SPTBN1: variants seen among roughly 807,000 people sequenced by gnomAD.
The protein encoded by SPTBN1 is spectrin beta chain, non-erythrocytic 1.
In SPTBN1, 32 loss-of-function variants were observed where a neutral mutation model predicts 266.4. The observed-to-expected ratio is 0.12, with a 90% CI of 0.09 to 0.16. The LOEUF (loss-of-function observed/expected upper bound fraction) is 0.16. SPTBN1 is among the 10% of genes least tolerant of loss of function. The pLI is 1.00. For synonymous variants in SPTBN1, 1,336 were observed against 1,162.2 expected (o/e 1.15, Z -3.04); for missense variants, 2,296 against 3,067.1 (o/e 0.75, Z 5.94).
chr2:54,623,921 A>G (rs1678156635), intron 10 of SPTBN1, among the ~76,000 whole-genome samples: 1 of 152,230 alleles, frequency 6.6e-6, no homozygotes, highest in Admixed American at 6.5e-5. Flanking sequence ...AGAAAGGAGA[A>G]ATTGAAACCT....
chr2:54,487,832 C>CTCTTTTTTTTTTTTT (rs1426296541), intron 1 of SPTBN1, among the ~76,000 whole-genome samples: 17 of 68,644 alleles, frequency 2.5e-4, no homozygotes, highest in Admixed American at 5.1e-4. Context: ...CCTCCTGTGT[C>CTCTTTTTTTTTTTTT]TTTTTTTTTT....
intron 1 of SPTBN1, among the ~76,000 whole-genome samples, chr2:54,459,603 AT>A (rs34862405): frequency 6.6e-6 from 1 of 151,944 alleles, no homozygotes; most frequent in East Asian, 1.9e-4. Context: ...TTAAAGCCTA[AT>A]TTTTTTTACG....
chr2:54,615,086 G>A lies in SPTBN1; in HGVS notation c.475-1121G>A, dbSNP rs531455472. ...TAATGATCCTAATATTAGAGACTGG[G>A]GTTTATACAGACTCAGGCTTCACCT... On this transcript the variant is annotated intron_variant, in intron 4 of 35. Coordinates refer to ENST00000356805, the MANE Select transcript of SPTBN1 (RefSeq NM_003128.3). Among the ~76,000 whole-genome samples, 36 of 152,098 alleles carry A rather than the reference G, an allele frequency of 2.4e-4. No homozygotes were observed. In the South Asian group the frequency reaches 7.5e-3, roughly 32 times the overall value.
chr2:54,504,471 T>C (rs1346257672), intron 1 of SPTBN1, among the ~76,000 whole-genome samples: 1 of 152,154 alleles, frequency 6.6e-6, no homozygotes, highest in Non-Finnish European at 1.5e-5. Flanking sequence ...ATAGAAAATA[T>C]TTGGGAAAAA....
chr2:54,510,010 G>A (rs1158734447), intron 1 of SPTBN1, among the ~76,000 whole-genome samples: 2 of 149,960 alleles, frequency 1.3e-5, no homozygotes, highest in African/African-American at 2.5e-5. Flanking sequence ...CCAGGGTAGA[G>A]CGCAGTGGCA....
intron 4 of SPTBN1, among the ~76,000 whole-genome samples, chr2:54,615,612 G>C (rs1677551070): frequency 6.6e-6 from 1 of 152,194 alleles, no homozygotes; most frequent in South Asian, 2.1e-4. Context: ...TGGGGAACCT[G>C]CCCAAGGGTA....
At chr2:54,557,687 A>G in intron 2 of SPTBN1, 7 of 982,356 alleles carry the variant, frequency 7.1e-6, no homozygotes, top group Non-Finnish European at 8.5e-6. Context: ...TTTTTCCCAC[A>G]ATGCCTTGCA....
chr2:54,561,933 C>G (rs1201186723), intron 2 of SPTBN1, among the ~76,000 whole-genome samples: 1 of 151,512 alleles, frequency 6.6e-6, no homozygotes, highest in African/African-American at 2.4e-5. Context: ...CACGAAGCCT[C>G]CTGGCATAAG....
intron 1 of SPTBN1, among the ~76,000 whole-genome samples, chr2:54,475,310 G>A (rs1263050910): frequency 6.6e-5 from 10 of 152,232 alleles, no homozygotes; most frequent in Non-Finnish European, 1.5e-5. Context: ...TTTGGCAACA[G>A]TTTGTCTCCT....
intron 1 of SPTBN1, among the ~76,000 whole-genome samples, chr2:54,463,437 G>A (rs1200378640): frequency 6.6e-6 from 1 of 152,226 alleles, no homozygotes; most frequent in African/African-American, 2.4e-5. Context: ...GTCATGGCTA[G>A]AGAGGCTGAT....
At chr2:54,623,829 C>T (rs1281949405) in intron 10 of SPTBN1, among the ~76,000 whole-genome samples, 6 of 152,180 alleles carry the variant, frequency 3.9e-5, no homozygotes, top group Non-Finnish European at 8.8e-5. Flanking sequence ...CCAGCTTTGG[C>T]GTAGGCTATA....
intron 1 of SPTBN1, among the ~76,000 whole-genome samples, chr2:54,496,415 G>A (rs1668970862): frequency 2.1e-5 from 3 of 146,194 alleles, no homozygotes; most frequent in East Asian, 4.0e-4. Flanking sequence ...TCCAGCCTGG[G>A]CGACAGAGTG....
intron 3 of SPTBN1, among the ~76,000 whole-genome samples, chr2:54,606,904 C>T (rs1221647562): frequency 6.6e-6 from 1 of 152,192 alleles, no homozygotes; most frequent in Non-Finnish European, 1.5e-5. Flanking sequence ...ATCAGAGTTA[C>T]AGAATTTTAG....
At chr2:54,666,873 C>T (rs1681405349) in intron 34 of SPTBN1, among the ~76,000 whole-genome samples, 1 of 152,210 alleles carries the variant, frequency 6.6e-6, no homozygotes, top group African/African-American at 2.4e-5. Context: ...TTAAGCTCTG[C>T]TGCTGCGCAG....
At chr2:54,508,406 AG>A (rs542824037) in intron 1 of SPTBN1, among the ~76,000 whole-genome samples, 75 of 152,182 alleles carry the variant, frequency 4.9e-4, no homozygotes, top group African/African-American at 1.5e-3. Context: ...TGGGGAAGGG[AG>A]GGGGCCTGAG....
At chr2:54,511,540 A>G (rs1428415754) in intron 1 of SPTBN1, among the ~76,000 whole-genome samples, 1 of 152,168 alleles carries the variant, frequency 6.6e-6, no homozygotes, top group African/African-American at 2.4e-5. Context: ...TTTATTGTGC[A>G]CTTTATTATT....
chr2:54,643,658 C>G (rs1363068603), intron 19 of SPTBN1, among the ~76,000 whole-genome samples: 2 of 152,004 alleles, frequency 1.3e-5, no homozygotes, highest in Non-Finnish European at 2.9e-5. Context: ...TCCTTTTAGA[C>G]TTTTTATAGT....
rs370236010 is a variant in SPTBN1 at position 54,644,404 on chromosome 2, G to A, written c.4087G>A (p.Glu1363Lys). 15 of 1,614,100 alleles carry A rather than the reference G, an allele frequency of 9.3e-6. No individual in the cohort carries two copies. The African/African-American group carries it at 1.7e-4, about 19-fold the overall frequency. ...EKLTGLHKMW[E>K]VLESTTQTKA... is the part of the protein sequence containing the mutation. ...ACTCACTGGTTTACATAAAATGTGG[G>A]AAGTCCTTGAATCCACTACCCAGAC... The change falls in exon 20 of 36, where the codon GAA becomes AAA. Residue 1363 changes from glutamate to lysine, a missense_variant. Transcript: ENST00000356805.
At chr2:54,661,187 C>CT (rs1461514496) in intron 32 of SPTBN1, 1 of 985,438 alleles carries the variant, frequency 1.0e-6, no homozygotes, top group African/African-American at 1.7e-5. Flanking sequence ...AGGATGGTAT[C>CT]TATCAGGCCA....
Sources: allele counts gnomAD v4.1 joint callset (sites outside exome capture counted in the v4.1 genomes callset), GRCh38; gene constraint gnomAD v4.1.1; transcripts MANE v1.5; gene names NCBI Gene and HGNC (gene_info 2026-07-23, HGNC 2026-07-21).